Variants in CARMIL1 observed in about 807,000 individuals in gnomAD.
CARMIL1 encodes capping protein regulator and myosin 1 linker 1, also known as F-actin-uncapping protein LRRC16A.
Under a neutral mutation model 177.1 loss-of-function variants are expected in CARMIL1, and 90 were observed. The observed-to-expected ratio is 0.51, with a 90% CI of 0.43 to 0.61. The LOEUF (loss-of-function observed/expected upper bound fraction) is 0.61. Among genes scored for constraint, CARMIL1 ranks in the 20% least tolerant of loss-of-function variants. The pLI is 0.00. For missense variants in CARMIL1, 1,380 were observed against 1,667.0 expected, an observed-to-expected ratio of 0.83 and a Z score of 3.00; for synonymous variants, 577 against 606.2, an observed-to-expected ratio of 0.95 and a Z score of 0.71.
At chr6:25,363,730 T>A (rs183022643) in intron 2 of CARMIL1, among the ~76,000 whole-genome samples, 2 of 152,334 alleles carry the variant, frequency 1.3e-5, no homozygotes, top group African/African-American at 2.4e-5. Flanking sequence ...GAAGAGATTT[T>A]AAAAATCATG....
chr6:25,373,980 C>T (rs1031849530), intron 2 of CARMIL1, among the ~76,000 whole-genome samples: 2 of 152,136 alleles, frequency 1.3e-5, no homozygotes, highest in African/African-American at 2.4e-5. Flanking sequence ...ACCAAGCTTT[C>T]GTTTCCTTGA....
At chr6:25,606,001 T>C (rs1268406801) in intron 34 of CARMIL1, 60 bp from the exon 35 acceptor site, 4 of 1,226,232 alleles carry the variant, frequency 3.3e-6, no homozygotes, top group East Asian at 4.7e-5. Flanking sequence ...ACCAGACTTC[T>C]AGCTTCAAGT....
intron 2 of CARMIL1, among the ~76,000 whole-genome samples, chr6:25,374,395 G>A (rs766108320): frequency 9.9e-5 from 15 of 152,224 alleles, no homozygotes; most frequent in Admixed American, 3.3e-4. Flanking sequence ...AAGATACTTG[G>A]TATGATTTTG....
intron 35 of CARMIL1, 122 bp from the exon 36 acceptor site, chr6:25,609,928 G>GA (rs1319949698): frequency 8.2e-7 from 1 of 1,218,216 alleles, no homozygotes; most frequent in African/African-American, 1.6e-5. Context: ...TTTTTGGCCA[G>GA]AAAAATTCTA....
At chr6:25,556,329 A>G (rs2151180041) in intron 28 of CARMIL1, among the ~76,000 whole-genome samples, 1 of 152,306 alleles carries the variant, frequency 6.6e-6, no homozygotes, top group South Asian at 2.1e-4. Context: ...AAATTTTGCT[A>G]GTAATTTCCT....
At chr6:25,602,810 C>T (rs1011285878) in intron 33 of CARMIL1, among the ~76,000 whole-genome samples, 1 of 152,082 alleles carries the variant, frequency 6.6e-6, no homozygotes, top group Non-Finnish European at 1.5e-5. Flanking sequence ...ATAAGTAATT[C>T]TCTTTGCGTT....
rs182248301 is a variant in CARMIL1, at chr6:25,520,429, G to A, written c.1968+92G>A. On this transcript the variant is annotated intron_variant, in intron 23 of 36. Coordinates refer to ENST00000329474, the MANE Select transcript of CARMIL1 (RefSeq NM_017640.6). ...TATAAACAATACTTTGTTATTTTAC[G>A]AAGTTTTTTTAAATTTTATTTTATT... 998 of 745,380 alleles carry A rather than the reference G, an allele frequency of 1.3e-3. 12 individuals are homozygous for A. The highest frequency in any genetic ancestry group is 9.8e-3 in the African/African-American group (555 of 56,460). The allele number at this position is 745,380 out of a possible 1,614,324, so 46.2% of individuals were successfully genotyped here. A position where few individuals can be genotyped will look rare whatever the true frequency, so the allele number is the denominator to read the frequency against.
At chr6:25,597,487 C>A (rs959825397) in intron 32 of CARMIL1, among the ~76,000 whole-genome samples, 1 of 151,882 alleles carries the variant, frequency 6.6e-6, no homozygotes, top group Non-Finnish European at 1.5e-5. Flanking sequence ...TCCCCTTTTT[C>A]ATTTGCTTTG....
intron 1 of CARMIL1, among the ~76,000 whole-genome samples, chr6:25,284,039 T>C (rs1781344834): frequency 6.6e-6 from 1 of 152,136 alleles, no homozygotes; most frequent in Non-Finnish European, 1.5e-5. Context: ...TGTTTTGTTT[T>C]GCCGTATTCC....
At chr6:25,598,244 AT>A (rs1441613353) in intron 32 of CARMIL1, among the ~76,000 whole-genome samples, 9 of 151,020 alleles carry the variant, frequency 6.0e-5, no homozygotes, top group African/African-American at 2.2e-4. Context: ...AACTTCTATT[AT>A]TATTATTATT....
intron 31 of CARMIL1, among the ~76,000 whole-genome samples, chr6:25,590,130 C>T (rs1295844642): frequency 3.9e-5 from 6 of 152,076 alleles, no homozygotes; most frequent in Non-Finnish European, 7.4e-5. Flanking sequence ...TCAACAAGAG[C>T]GAATAGACAC....
intron 2 of CARMIL1, among the ~76,000 whole-genome samples, chr6:25,363,437 GGT>G (rs912191661): frequency 3.3e-5 from 5 of 151,928 alleles, no homozygotes; most frequent in African/African-American, 1.2e-4. Flanking sequence ...CTTTTATTTT[GGT>G]GTATACATGT....
At chr6:25,600,849 A>C (rs759076115) in intron 33 of CARMIL1, 103 bp downstream of exon 33, 28 of 1,033,918 alleles carry the variant, frequency 2.7e-5, no homozygotes, top group Non-Finnish European at 3.3e-5. Context: ...TATCACCTTA[A>C]ACATTTAACT....
intron 23 of CARMIL1, among the ~76,000 whole-genome samples, chr6:25,526,853 A>G (rs1276040850): frequency 1.3e-5 from 2 of 151,996 alleles, no homozygotes; most frequent in Admixed American, 6.6e-5. Flanking sequence ...CACCCAGCCT[A>G]TTGGGTTTTT....
At chr6:25,380,245 G>A (rs539563488) in intron 2 of CARMIL1, among the ~76,000 whole-genome samples, 3 of 152,226 alleles carry the variant, frequency 2.0e-5, no homozygotes, top group African/African-American at 7.2e-5. Context: ...TGGGTATTTA[G>A]TATTATATGA....
At chr6:25,474,862 G>C (rs1211785260) in intron 11 of CARMIL1, among the ~76,000 whole-genome samples, 1 of 152,198 alleles carries the variant, frequency 6.6e-6, no homozygotes, top group East Asian at 1.9e-4. Flanking sequence ...ATCTCTAGAG[G>C]GAGGTAGTTG....
intron 2 of CARMIL1, among the ~76,000 whole-genome samples, chr6:25,337,977 A>G (rs745378217): frequency 3.3e-5 from 5 of 152,168 alleles, no homozygotes; most frequent in Non-Finnish European, 7.3e-5. Context: ...GGGTGGGGTT[A>G]GGTTTTCCCT....
chr6:25,609,973 A>G (rs1816366610), intron 35 of CARMIL1, 77 bp from the exon 36 acceptor site: 3 of 1,394,072 alleles, frequency 2.2e-6, no homozygotes, highest in Non-Finnish European at 1.9e-6. Flanking sequence ...TTATTTTTAT[A>G]TATAGATTTA....
chr6:25,512,282 A>T (rs1805528015), intron 20 of CARMIL1, among the ~76,000 whole-genome samples: 1 of 152,228 alleles, frequency 6.6e-6, no homozygotes, highest in African/African-American at 2.4e-5. Context: ...TAGTTAAAAT[A>T]TACCTAAAAC....
Sources: gnomAD v4.1 joint callset for allele counts (sites outside exome capture counted in the v4.1 genomes callset) on GRCh38, gnomAD v4.1.1 for gene constraint, MANE v1.5 for transcripts, NCBI Gene and HGNC (gene_info 2026-07-23, HGNC 2026-07-21) for gene names.